ADCK1: variants seen among roughly 807,000 people sequenced by gnomAD.
The protein encoded by ADCK1 is aarF domain-containing protein kinase 1.
A neutral mutation model predicts 52.3 loss-of-function variants in ADCK1; 41 were observed. The observed-to-expected ratio is 0.78, with a 90% CI of 0.61 to 1.02. The LOEUF is 1.02. Among genes scored for constraint, ADCK1 ranks in the 50% least tolerant of loss-of-function variants. The pLI, the probability that ADCK1 is intolerant of heterozygous loss-of-function variation, is 0.00. For synonymous variants in ADCK1, 250 were observed against 274.6 expected (o/e 0.91, Z 0.89); for missense variants, 658 against 679.5 (o/e 0.97, Z 0.35).
chr14:77,859,180 A>G lies in ADCK1; in HGVS notation c.324A>G (p.Pro108=). The part of the protein sequence containing the change: ...QHLGALDYLL[P]EEYTSTLKVL... ...TGGGGGCTCTGGACTACCTGTTGCC[A>G]GAGGAGTACACCAGCACGCTGAAGG... Residue 108 remains proline (P), a synonymous_variant, in exon 4 of 11, where the codon CCA becomes CCG. Coordinates refer to ENST00000238561, the MANE Select transcript of ADCK1 (RefSeq NM_020421.4). The G allele has an allele frequency of 6.2e-7, 1 of 1,614,080 alleles. No homozygotes were observed. Among genetic ancestry groups the G allele is most frequent in the Non-Finnish European group, 8.5e-7 (1 of 1,180,004 alleles).
intron 2 of ADCK1, chr14:77,821,110 CAATT>C (rs1469777954): frequency 6.6e-6 from 1 of 152,124 alleles, no homozygotes; most frequent in African/African-American, 2.4e-5. Flanking sequence ...TGTGAACAAT[CAATT>C]GAGATAACTC....
intron 1 of ADCK1, among the ~76,000 whole-genome samples, chr14:77,805,235 A>G (rs980427826): frequency 1.1e-5 from 1 of 87,348 alleles, no homozygotes; most frequent in Non-Finnish European, 2.5e-5. Context: ...AAAAAGAGTC[A>G]TTTTTGGCTT....
In ADCK1 at chr14:77,842,454, TCC is replaced by T. The variant is rs1566657388; in HGVS notation, c.220-16621_220-16620del. ...ATCTTTCAGGGTATTTTTTTTTCCT[TCC>T]TTCCTTCCTTCCTTCCTTCCTTCCT... On this transcript the variant is annotated intron_variant, in intron 3 of 10. Transcript: ENST00000238561. Among the ~76,000 whole-genome samples the T allele has an allele frequency of 1.8e-3, 75 of 41,808 alleles. 1 individual carries two copies. The South Asian group carries it at 0.051, about 28-fold the overall frequency. 27.4% of individuals were successfully genotyped at this position (41,808 alleles called of 152,430 possible).
At chr14:77,912,856 G>A (rs986829043) in intron 7 of ADCK1, among the ~76,000 whole-genome samples, 1 of 152,078 alleles carries the variant, frequency 6.6e-6, no homozygotes, top group Admixed American at 6.5e-5. Flanking sequence ...AGTCCCACTC[G>A]GCCCAATAGA....
In ADCK1 at chr14:77,852,652, AATAAATAAATATATATATAT is replaced by A. The variant is rs1313197611; in HGVS notation, c.220-6420_220-6401del. Among the ~76,000 whole-genome samples the A allele has an allele frequency of 2.6e-3, 86 of 32,600 alleles. 1 individual carries two copies. The highest frequency in any genetic ancestry group is 3.9e-3 in the Non-Finnish European group (69 of 17,596). The allele number at this position is 32,600 out of a possible 152,430, so 21.4% of individuals were successfully genotyped here. A position where few individuals can be genotyped will look rare whatever the true frequency, so the allele number is the denominator to read the frequency against. Reference sequence around the variant, plus strand: ...AAAAATTTCAGCCATTATTTCTTTAAATAAATAAATATATATATATATATATATATATATATATATATATA... The same window carrying A: ...AAAAATTTCAGCCATTATTTCTTTAAATATATATATATATATATATATATA... On this transcript the variant is annotated intron_variant, in intron 3 of 10. Coordinates refer to ENST00000238561, the MANE Select transcript of ADCK1 (RefSeq NM_020421.4).
chr14:77,925,675 G>T lies in ADCK1; in HGVS notation c.1009-89G>T, dbSNP rs559134757. 8 of 1,336,640 alleles carry T rather than the reference G, an allele frequency of 6.0e-6. No homozygotes were observed. In the African/African-American group the frequency reaches 1.0e-4, roughly 17 times the overall value. The allele number at this position is 1,336,640 out of a possible 1,614,324, so 82.8% of individuals were successfully genotyped here. A position where few individuals can be genotyped will look rare whatever the true frequency, so the allele number is the denominator to read the frequency against. ...GTGGGAAGGCACAGTCCTCACCGTC[G>T]TCTTTTGCAATGGTTGGCATCAGCC... On this transcript the variant is annotated intron_variant, in intron 8 of 10. Transcript: ENST00000238561.
intron 1 of ADCK1, among the ~76,000 whole-genome samples, chr14:77,806,040 G>T (rs868485278): frequency 7.1e-6 from 1 of 141,238 alleles, no homozygotes; most frequent in Non-Finnish European, 1.5e-5. Context: ...GCTGGGTGCG[G>T]TGGCTCACAT....
At chr14:77,873,420 C>T (rs2082828911) in intron 4 of ADCK1, among the ~76,000 whole-genome samples, 1 of 152,222 alleles carries the variant, frequency 6.6e-6, no homozygotes, top group Admixed American at 6.5e-5. Context: ...ACCTGTGCCA[C>T]TTTGGAAGGG....
At chr14:77,864,820 A>G in intron 4 of ADCK1, among the ~76,000 whole-genome samples, 1 of 152,176 alleles carries the variant, frequency 6.6e-6, no homozygotes, top group East Asian at 1.9e-4. Context: ...CCCAGGAAGA[A>G]CCGATGGTGC....
At chr14:77,807,036 C>G (rs1006329812) in intron 1 of ADCK1, among the ~76,000 whole-genome samples, 4 of 125,318 alleles carry the variant, frequency 3.2e-5, no homozygotes, top group Non-Finnish European at 6.6e-5. Context: ...CTCTCTCTCT[C>G]TCTTTTTTTT....
chr14:77,853,882 T>C (rs962132004), intron 3 of ADCK1, among the ~76,000 whole-genome samples: 2 of 152,194 alleles, frequency 1.3e-5, no homozygotes, highest in African/African-American at 4.8e-5. Flanking sequence ...ATCTCCTCAA[T>C]TGAGGAGTCT....
At position 77,804,684 on chromosome 14, in the gene ADCK1, C is replaced by T. The variant is rs10129267; in HGVS notation, c.-12+4514C>T. 8.3e-3 allele frequency among the ~76,000 whole-genome samples: 1,261 copies of T among 152,230 alleles called. 22 individuals carry two copies. Among genetic ancestry groups the T allele is most frequent in the African/African-American group, 0.029 (1,209 of 41,534 alleles). ...CATGTGGTTTTCACCTGGGGACCTG[C>T]ATTGTTCCTTGCTCTGCACAGGTCT... On this transcript the variant is annotated intron_variant, in intron 1 of 10. Transcript: ENST00000238561.
chr14:77,863,040 C>T (rs964283428), intron 4 of ADCK1, among the ~76,000 whole-genome samples: 1 of 152,156 alleles, frequency 6.6e-6, no homozygotes, highest in Non-Finnish European at 1.5e-5. Flanking sequence ...AAGCATAAAG[C>T]ATGGAGGTGA....
chr14:77,899,072 A>C (rs753103893), intron 5 of ADCK1, 28 bp from the exon 6 acceptor site: 103 of 1,612,294 alleles, frequency 6.4e-5, no homozygotes, highest in Non-Finnish European at 8.1e-5. Flanking sequence ...CTGTGGGCCA[A>C]ATGACTGGGG....
intron 3 of ADCK1, among the ~76,000 whole-genome samples, chr14:77,848,599 G>C (rs1225419447): frequency 2.0e-5 from 3 of 152,126 alleles, no homozygotes; most frequent in Admixed American, 6.5e-5. Flanking sequence ...CTTAGTAGCT[G>C]GGATTATTGG....
At chr14:77,865,308 C>T (rs938846095) in intron 4 of ADCK1, among the ~76,000 whole-genome samples, 16 of 152,120 alleles carry the variant, frequency 1.1e-4, no homozygotes, top group Middle Eastern at 3.4e-3. Context: ...GTGAAACCTC[C>T]GTCTCTACTA....
chr14:77,877,541 C>A (rs1370862831), intron 4 of ADCK1, among the ~76,000 whole-genome samples: 1 of 152,166 alleles, frequency 6.6e-6, no homozygotes, highest in Non-Finnish European at 1.5e-5. Flanking sequence ...GATGGGGACC[C>A]CTTCCCAAGG....
chr14:77,803,595 C>A (rs1469869807), intron 1 of ADCK1, among the ~76,000 whole-genome samples: 1 of 152,148 alleles, frequency 6.6e-6, no homozygotes, highest in Non-Finnish European at 1.5e-5. Flanking sequence ...GGATTCCATT[C>A]TTGTCATTGA....
chr14:77,831,345 C>T (rs2081844632), intron 3 of ADCK1, among the ~76,000 whole-genome samples: 2 of 152,296 alleles, frequency 1.3e-5, no homozygotes, highest in African/African-American at 4.8e-5. Flanking sequence ...CATACTAGGG[C>T]TCCCTCCGCA....
Sources: allele counts gnomAD v4.1 joint callset (sites outside exome capture counted in the v4.1 genomes callset), GRCh38; gene constraint gnomAD v4.1.1; transcripts MANE v1.5; gene names NCBI Gene and HGNC (gene_info 2026-07-23, HGNC 2026-07-21).